The following XKR6 variants were observed in gnomAD, a reference collection of about 807,000 sequenced individuals.
XKR6 encodes the protein XK-related protein 6.
XKR6 carries 22 observed loss-of-function variants against 56.7 expected under a neutral mutation model. The observed-to-expected ratio is 0.39, with a 90% CI of 0.28 to 0.55. The LOEUF is 0.55. XKR6 is among the 20% of genes least tolerant of loss of function. The pLI, the probability that XKR6 is intolerant of heterozygous loss-of-function variation, is 0.66. For missense variants in XKR6, 852 were observed against 889.0 expected (o/e 0.96, Z 0.53); for synonymous variants, 524 against 387.8 (o/e 1.35, Z -4.13).
chr8:11,153,014 A>C (rs1265824150), intron 1 of XKR6, among the ~76,000 whole-genome samples: 2 of 152,220 alleles, frequency 1.3e-5, no homozygotes, highest in African/African-American at 2.4e-5. Flanking sequence ...TAATACTAAC[A>C]AAATCTTGCT....
chr8:11,192,427 C>T (rs1440638773), intron 1 of XKR6, among the ~76,000 whole-genome samples: 2 of 152,104 alleles, frequency 1.3e-5, no homozygotes, highest in Non-Finnish European at 2.9e-5. Context: ...GGATTACAGA[C>T]GTGAGCCACA....
intron 1 of XKR6, among the ~76,000 whole-genome samples, chr8:11,021,019 C>T (rs1415298175): frequency 2.0e-5 from 3 of 152,186 alleles, no homozygotes; most frequent in African/African-American, 7.2e-5. Context: ...GGTTCAGGCT[C>T]ACCTTTTACA....
intron 1 of XKR6, chr8:11,194,990 G>T: frequency 1.8e-6 from 1 of 564,808 alleles, no homozygotes; most frequent in Non-Finnish European, 3.1e-6. Flanking sequence ...AAGTTTTTAG[G>T]GTTACTGTTC....
Position 11,200,519 on chromosome 8 carries a change from G to C in XKR6, c.764+57C>G. The C allele has an allele frequency of 7.2e-7, 1 of 1,395,682 alleles. No homozygotes were observed. The highest frequency in any genetic ancestry group is 9.2e-7 in the Non-Finnish European group (1 of 1,083,052). The allele number at this position is 1,395,682 out of a possible 1,614,324, so 86.5% of individuals were successfully genotyped here. On this transcript the variant is annotated intron_variant, in intron 1 of 2. Coordinates refer to ENST00000416569, the MANE Select transcript of XKR6 (RefSeq NM_173683.4). This position sits in a 1 kb window ranked among gnomAD's most constrained non-coding sequence, Gnocchi z 6.4. ...CGAGGGGCCGCCCCGCGAAGCACCG[G>C]GAGGGCGGAGGGGGGCTCCTCAGGG...
At chr8:11,163,822 C>A (rs1001595541) in intron 1 of XKR6, among the ~76,000 whole-genome samples, 4 of 152,060 alleles carry the variant, frequency 2.6e-5, no homozygotes, top group Admixed American at 6.5e-5. Flanking sequence ...GTAGCTTGTT[C>A]TACCTAGGTC....
chr8:10,929,210 TG>T (rs896085238), intron 1 of XKR6, among the ~76,000 whole-genome samples: 57 of 152,370 alleles, frequency 3.7e-4, no homozygotes, highest in African/African-American at 1.3e-3. Flanking sequence ...GCCTCATGTT[TG>T]TGTGACATTC....
At chr8:10,959,017 A>C (rs1467807741) in intron 1 of XKR6, among the ~76,000 whole-genome samples, 1 of 152,208 alleles carries the variant, frequency 6.6e-6, no homozygotes, top group African/African-American at 2.4e-5. Flanking sequence ...GACCGGGGGA[A>C]ACCCTGCAGG....
At chr8:10,999,301 G>C (rs1197735337) in intron 1 of XKR6, among the ~76,000 whole-genome samples, 1 of 152,168 alleles carries the variant, frequency 6.6e-6, no homozygotes, top group Non-Finnish European at 1.5e-5. Context: ...TACTGCACAG[G>C]CATTCCAATT....
chr8:11,080,946 A>G (rs530669182), intron 1 of XKR6, among the ~76,000 whole-genome samples: 60 of 152,232 alleles, frequency 3.9e-4, no homozygotes, highest in Non-Finnish European at 3.2e-4. Flanking sequence ...CCGTATGACA[A>G]GGAGAAAAAA....
intron 1 of XKR6, among the ~76,000 whole-genome samples, chr8:11,010,422 A>G (rs1586427987): frequency 6.6e-6 from 1 of 152,260 alleles, no homozygotes; most frequent in Non-Finnish European, 1.5e-5. Context: ...TGGGCAAATG[A>G]CTTCCCTTCT....
rs138284702 is a variant in XKR6 at position 10,922,319 on chromosome 8, G to T, written c.961+2315C>A. Among the ~76,000 whole-genome samples the T allele has an allele frequency of 4.6e-3, 700 of 152,308 alleles. 6 individuals carry two copies. Among genetic ancestry groups the T allele is most frequent in the African/African-American group, 0.015 (638 of 41,564 alleles). On this transcript the variant is annotated intron_variant, in intron 2 of 2. Transcript: ENST00000416569. ...CAAATCTGCCCATGAGAGCACTGTT[G>T]CCCTGGGCTGTGGGGCAGTAGCCCT...
intron 2 of XKR6, among the ~76,000 whole-genome samples, chr8:10,902,782 C>T (rs1320698039): frequency 6.6e-6 from 1 of 152,236 alleles, no homozygotes; most frequent in African/African-American, 2.4e-5. Context: ...GTACAGGCCT[C>T]GTGCCCCTGA....
At chr8:11,171,957 G>A (rs1461926896) in intron 1 of XKR6, among the ~76,000 whole-genome samples, 1 of 151,834 alleles carries the variant, frequency 6.6e-6, no homozygotes, top group Non-Finnish European at 1.5e-5. Flanking sequence ...GGAGGCTGAA[G>A]CAAAAGAATC....
chr8:10,928,505 T>G (rs1433492225), intron 1 of XKR6, among the ~76,000 whole-genome samples: 1 of 152,206 alleles, frequency 6.6e-6, no homozygotes, highest in Non-Finnish European at 1.5e-5. Context: ...GTTTCCTGTG[T>G]GTAAAATCCG....
rs1799976964 is a variant in XKR6 at position 10,899,482 on chromosome 8, T to C, written c.962-566A>G. 2.6e-5 allele frequency among the ~76,000 whole-genome samples: 4 copies of C among 152,128 alleles called. 1 individual carries two copies. The South Asian group carries it at 6.2e-4, about 24-fold the overall frequency. On this transcript the variant is annotated intron_variant, in intron 2 of 2. Coordinates refer to ENST00000416569, the MANE Select transcript of XKR6 (RefSeq NM_173683.4). ...TTCCTGAACCTTCTTCCAGTTAGCTTCTCCCTGACCTGCCACCCAAGGCCA... is the reference window on the plus strand; with the variant it reads ...TTCCTGAACCTTCTTCCAGTTAGCTCCTCCCTGACCTGCCACCCAAGGCCA...
chr8:11,005,173 C>A (rs75467588), intron 1 of XKR6, among the ~76,000 whole-genome samples: 1 of 78,172 alleles, frequency 1.3e-5, no homozygotes, highest in Non-Finnish European at 2.6e-5. Flanking sequence ...ATACGTGGAA[C>A]AAAGGGATGA....
chr8:11,011,410 G>T (rs1372257275), intron 1 of XKR6, among the ~76,000 whole-genome samples: 1 of 152,218 alleles, frequency 6.6e-6, no homozygotes, highest in Non-Finnish European at 1.5e-5. Flanking sequence ...AGCGGACGAG[G>T]CTGGAAAGCA....
chr8:11,002,003 G>C (rs1193856783), intron 1 of XKR6, among the ~76,000 whole-genome samples: 4 of 151,094 alleles, frequency 2.6e-5, no homozygotes, highest in Non-Finnish European at 4.4e-5. Flanking sequence ...ATAGAGATAA[G>C]TCTTCTCTTC....
intron 1 of XKR6, among the ~76,000 whole-genome samples, chr8:10,957,366 T>C (rs1411678272): frequency 3.3e-5 from 5 of 152,286 alleles, no homozygotes; most frequent in African/African-American, 9.6e-5. Context: ...TACAGTCTAC[T>C]CCAGGCGTGT....
Sources: allele counts gnomAD v4.1 joint callset (sites outside exome capture counted in the v4.1 genomes callset), GRCh38; gene constraint gnomAD v4.1.1; non-coding constraint Gnocchi (gnomAD v3.1); transcripts MANE v1.5; gene names NCBI Gene and HGNC (gene_info 2026-07-23, HGNC 2026-07-21).